Variants in OR51E1 observed in about 807,000 individuals in gnomAD.
The protein encoded by OR51E1 is olfactory receptor 51E1.
Under a neutral mutation model 11.5 loss-of-function variants are expected in OR51E1, and 9 were observed. That is an observed-to-expected ratio of 0.78 (90% CI 0.47 to 1.37). The LOEUF (loss-of-function observed/expected upper bound fraction) is 1.37. Among genes scored for constraint, OR51E1 ranks in the 40% most tolerant of loss-of-function variants. The pLI is 0.00. For synonymous variants in OR51E1, 168 were observed against 158.3 expected, an observed-to-expected ratio of 1.06 and a Z score of -0.46; for missense variants, 397 against 410.2, an observed-to-expected ratio of 0.97 and a Z score of 0.28.
At position 4,652,505 on chromosome 11, in the gene OR51E1, C is replaced by T; in HGVS notation, c.-22C>T. ...CATTCCAGCCTCTACCTGCCTGGTG[C>T]TGGTCACAGTTCAGCTTCTTCATGA... On this transcript the variant is annotated 5_prime_UTR_variant, in exon 2 of 2. Transcript: ENST00000396952. The T allele has an allele frequency of 1.9e-6, 3 of 1,542,634 alleles. No homozygotes were observed. Among genetic ancestry groups the T allele is most frequent in the Non-Finnish European group, 1.8e-6 (2 of 1,119,436 alleles).
chr11:4,653,606 A>T lies in OR51E1; in HGVS notation c.*123A>T. ...ATAAAAATACAACTCAGATCCTTCAAATATGAAACTGGTTGGGGAATCTCC... is the reference window on the plus strand; with the variant it reads ...ATAAAAATACAACTCAGATCCTTCATATATGAAACTGGTTGGGGAATCTCC... On this transcript the variant is annotated 3_prime_UTR_variant, in exon 2 of 2. Transcript: ENST00000396952. The T allele has an allele frequency of 1.7e-6, 1 of 584,148 alleles. No individual in the cohort carries two copies. The highest frequency in any genetic ancestry group is 3.4e-5 in the Admixed American group (1 of 29,700). The allele number at this position is 584,148 out of a possible 1,614,324, so 36.2% of individuals were successfully genotyped here.
chr11:4,644,930 A>G (rs1198310489), intron 1 of OR51E1, among the ~76,000 whole-genome samples: 1 of 152,046 alleles, frequency 6.6e-6, no homozygotes, highest in Non-Finnish European at 1.5e-5. Context: ...CTTTTGTTCC[A>G]TGAATCCCCC....
At chr11:4,651,585 T>C (rs370368958) in intron 1 of OR51E1, among the ~76,000 whole-genome samples, 125 of 152,306 alleles carry the variant, frequency 8.2e-4, no homozygotes, top group African/African-American at 2.8e-3. Context: ...GTGAGGTGCC[T>C]CCCATTTGAC....
intron 1 of OR51E1, among the ~76,000 whole-genome samples, chr11:4,651,807 G>A (rs1422353363): frequency 6.6e-6 from 1 of 152,218 alleles, no homozygotes; most frequent in Non-Finnish European, 1.5e-5. Context: ...AGGTAATGTA[G>A]AGTTAGAGTT....
At position 4,652,520 on chromosome 11, in the gene OR51E1, C is replaced by T. The variant is rs752946493; in HGVS notation, c.-7C>T. 6.3e-7 allele frequency: 1 copy of T among 1,596,776 alleles called. No individual in the cohort carries two copies. The highest frequency in any genetic ancestry group is 2.2e-5 in the East Asian group (1 of 44,788). On this transcript the variant is annotated 5_prime_UTR_variant, in exon 2 of 2. Transcript: ENST00000396952. ...CTGCCTGGTGCTGGTCACAGTTCAGCTTCTTCATGATGGTGGATCCCAATG... is the reference window on the plus strand; with the variant it reads ...CTGCCTGGTGCTGGTCACAGTTCAGTTTCTTCATGATGGTGGATCCCAATG...
chr11:4,652,139 G>A (rs1847105825), intron 1 of OR51E1, among the ~76,000 whole-genome samples: 3 of 152,180 alleles, frequency 2.0e-5, no homozygotes, highest in African/African-American at 7.2e-5. Context: ...GGTAAGCTAG[G>A]ATAGAGGAAA....
intron 1 of OR51E1, 146 bp downstream of exon 1, chr11:4,644,176 A>C (rs939258868): frequency 6.6e-6 from 1 of 151,668 alleles, no homozygotes; most frequent in South Asian, 2.1e-4. Context: ...CTCAAAGGAC[A>C]GGCAGCCTTA....
In OR51E1 at chr11:4,652,718, A is replaced by G. The variant is rs1018270096; in HGVS notation, c.192A>G (p.Ile64Met). The G allele has an allele frequency of 2.5e-6, 4 of 1,613,930 alleles. No homozygotes were observed. In the African/African-American group the frequency reaches 5.3e-5, roughly 22 times the overall value. ...ACAGCCTGCATGAGCCCATGTATAT[A>G]TTTCTTTGCATGCTTTCAGGCATTG... ...TEHSLHEPMY[I>M]FLCMLSGIDI... is the part of the protein sequence containing the mutation. The change falls in exon 2 of 2, where the codon ATA (isoleucine) becomes ATG (methionine). Residue 64 changes from isoleucine to methionine, a missense_variant. Transcript: ENST00000396952.
In OR51E1 at chr11:4,652,558, G is replaced by A. The variant is rs17224476; in HGVS notation, c.32G>A (p.Ser11Asn). 0.098 allele frequency: 158,077 copies of A among 1,612,960 alleles called. 8,751 individuals are homozygous for A. Among genetic ancestry groups the A allele is most frequent in the Non-Finnish European group, 0.11 (131,538 of 1,179,002 alleles). The change falls in exon 2 of 2, where the codon AGT becomes AAT. Residue 11 changes from serine to asparagine, a missense_variant. Coordinates refer to ENST00000396952, the MANE Select transcript of OR51E1 (RefSeq NM_152430.4). ...GTGGATCCCAATGGCAATGAATCCA[G>A]TGCTACATACTTCATCCTAATAGGC... MMVDPNGNES[S>N]ATYFILIGLP...
At chr11:4,649,472 T>G (rs1847068251) in intron 1 of OR51E1, among the ~76,000 whole-genome samples, 2 of 152,158 alleles carry the variant, frequency 1.3e-5, no homozygotes, top group African/African-American at 4.8e-5. Flanking sequence ...AACTTCAATG[T>G]GGCTAGATCA....
intron 1 of OR51E1, 94 bp from the exon 2 acceptor site, chr11:4,652,394 G>T (rs563879437): frequency 1.0e-4 from 65 of 636,886 alleles, no homozygotes; most frequent in African/African-American, 1.0e-3. Context: ...AATGGATTTA[G>T]AGTTTGAGTT....
chr11:4,653,156 T>C lies in OR51E1; in HGVS notation c.630T>C (p.Ile210=), dbSNP rs895645238. The change falls in exon 2 of 2, where the codon ATT becomes ATC. Residue 210 remains isoleucine (I), a synonymous_variant. Transcript: ENST00000396952. ...VYGLIVIISA[I]GLDSLLISFS... ...GCCTTATCGTCATCATCTCCGCCAT[T>C]GGCCTGGACTCACTTCTCATCTCCT... 2 of 1,614,070 alleles carry C rather than the reference T, an allele frequency of 1.2e-6. No individual in the cohort carries two copies. The highest frequency in any genetic ancestry group is 1.7e-6 in the Non-Finnish European group (2 of 1,179,900).
chr11:4,646,020 G>A lies in OR51E1; in HGVS notation c.-40+1990G>A, dbSNP rs931182159. Among the ~76,000 whole-genome samples the A allele has an allele frequency of 2.0e-5, 3 of 152,138 alleles. No individual in the cohort carries two copies. In the East Asian group the frequency reaches 5.8e-4, roughly 29 times the overall value. On this transcript the variant is annotated intron_variant, in intron 1 of 1. Coordinates refer to ENST00000396952, the MANE Select transcript of OR51E1 (RefSeq NM_152430.4). ...CTACCCTCACTAAGTGTTAGGGAAG[G>A]GACTCTATTTAAGAATCAAGTGACA... is the stretch of plus-strand genomic sequence containing the variant.
At position 4,646,310 on chromosome 11, in the gene OR51E1, G is replaced by A. The variant is rs1271644948; in HGVS notation, c.-40+2280G>A. On this transcript the variant is annotated intron_variant, in intron 1 of 1. Transcript: ENST00000396952. ...TCTCCTTCCACACTGAACCTAAGTG[G>A]GGAGAGCTGGTCATGTGTCCTGAGT... is the stretch of plus-strand genomic sequence containing the variant. Among the ~76,000 whole-genome samples the A allele has an allele frequency of 2.6e-5, 4 of 152,324 alleles. No homozygotes were observed. In the South Asian group the frequency reaches 6.2e-4, roughly 24 times the overall value.
At chr11:4,645,476 G>A (rs890968144) in intron 1 of OR51E1, among the ~76,000 whole-genome samples, 2 of 152,160 alleles carry the variant, frequency 1.3e-5, no homozygotes, top group African/African-American at 4.8e-5. Context: ...ATCATAATGT[G>A]CTGTGATGGC....
intron 1 of OR51E1, among the ~76,000 whole-genome samples, chr11:4,646,267 A>G (rs956414340): frequency 1.3e-5 from 2 of 152,178 alleles, no homozygotes; most frequent in African/African-American, 4.8e-5. Flanking sequence ...TGACACTGAC[A>G]ATGAATCTCC....
Position 4,649,524 on chromosome 11 carries a change from C to T in OR51E1, c.-39-2964C>T, listed in dbSNP as rs200380078. ...GAGTGGTGAGGGAGGAACCCAGGCC[C>T]GGATGATGAAAGTCAGATCTTTAGC... On this transcript the variant is annotated intron_variant, in intron 1 of 1. Coordinates refer to ENST00000396952, the MANE Select transcript of OR51E1 (RefSeq NM_152430.4). Among the ~76,000 whole-genome samples the T allele has an allele frequency of 4.6e-5, 7 of 152,180 alleles. No individual in the cohort carries two copies. In the East Asian group the frequency reaches 9.7e-4, roughly 21 times the overall value.
At chr11:4,648,832 AG>A (rs1379706392) in intron 1 of OR51E1, among the ~76,000 whole-genome samples, 1 of 152,326 alleles carries the variant, frequency 6.6e-6, no homozygotes. Context: ...ATTAGGACCA[AG>A]ACCTTGCAGC....
intron 1 of OR51E1, among the ~76,000 whole-genome samples, chr11:4,650,808 A>G (rs548897484): frequency 6.6e-6 from 1 of 152,198 alleles, no homozygotes; most frequent in African/African-American, 2.4e-5. Context: ...AAACATCCAA[A>G]ATCTGAAATG....
Sources: allele counts gnomAD v4.1 joint callset (sites outside exome capture counted in the v4.1 genomes callset), GRCh38; gene constraint gnomAD v4.1.1; transcripts MANE v1.5; gene names NCBI Gene and HGNC (gene_info 2026-07-23, HGNC 2026-07-21).